Variants in ERF observed in about 807,000 individuals in gnomAD.
The protein encoded by ERF is ETS domain-containing transcription factor ERF.
A neutral mutation model predicts 41.6 loss-of-function variants in ERF; 10 were observed. That is an observed-to-expected ratio of 0.24 (90% CI 0.15 to 0.41). ERF has a LOEUF of 0.41. Ranked by LOEUF, ERF falls within the 10% of genes least tolerant of loss-of-function variation. ERF has a pLI of 1.00. For synonymous variants in ERF, 395 were observed against 342.4 expected (o/e 1.15, Z -1.70); for missense variants, 621 against 763.2 (o/e 0.81, Z 2.19).
Position 42,249,234 on chromosome 19 carries a change from C to A in ERF, c.878G>T (p.Gly293Val). The A allele has an allele frequency of 1.2e-6, 2 of 1,613,166 alleles. No individual in the cohort carries two copies. Among genetic ancestry groups the A allele is most frequent in the Admixed American group, 1.7e-5 (1 of 59,900 alleles). ...LSPMYPSGGG[G>V]PSGSGGGSHF... ...GGAGCCTCCCCCTGAGCCGCTGGGC[C>A]CCCCGCCACCACTGGGGTACATCGG... is the stretch of plus-strand genomic sequence containing the variant. The change falls in exon 4 of 4, where the codon GGG becomes GTG. Residue 293 changes from glycine (G) to valine (V), a missense_variant. Gly to Val is a moderately radical substitution (Grantham distance 109, BLOSUM62 -3). This residue lies in a region of ERF where 569 missense variants were observed against 625.5 expected (regional missense o/e 0.91). Coordinates refer to ENST00000222329, the MANE Select transcript of ERF (RefSeq NM_006494.4). This position sits in a 1 kb window ranked among gnomAD's most constrained non-coding sequence, Gnocchi z 8.6.
chr19:42,253,358 A>C (rs2036476613), intron 1 of ERF, among the ~76,000 whole-genome samples: 1 of 152,166 alleles, frequency 6.6e-6, no homozygotes, highest in South Asian at 2.1e-4. Flanking sequence ...GCGGCAGGCC[A>C]GGAGGCAGAC....
chr19:42,253,541 C>G (rs1239826772), intron 1 of ERF, among the ~76,000 whole-genome samples: 1 of 152,134 alleles, frequency 6.6e-6, no homozygotes, highest in African/African-American at 2.4e-5. Flanking sequence ...GTCTGGGTGC[C>G]TCGGCCTCCT....
chr19:42,254,071 T>A (rs1272514422), intron 1 of ERF, among the ~76,000 whole-genome samples: 2 of 148,578 alleles, frequency 1.3e-5, no homozygotes, highest in South Asian at 2.1e-4. Context: ...GGGGGAAAAG[T>A]CCGAGTGGGA....
Position 42,248,653 on chromosome 19 carries a change from G to A in ERF, c.1459C>T (p.Arg487Cys), listed in dbSNP as rs767131852. 13 of 1,600,858 alleles carry A rather than the reference G, an allele frequency of 8.1e-6. No homozygotes were observed. The highest frequency in any genetic ancestry group is 9.4e-6 in the Non-Finnish European group (11 of 1,171,232). ...CMPLKLRFKR[R>C]WSEDCRLEGG... ...TCGAGGCGACAGTCTTCACTCCAGC[G>A]CCGCTTAAAGCGTAGCTTGAGGGGC... The change falls in exon 4 of 4, where the codon CGC (arginine) becomes TGC (cysteine). Residue 487 changes from arginine (R) to cysteine (C), a missense_variant. Around this residue, in one of 3 missense-constraint regions of ERF, gnomAD observed 569 missense variants for 625.5 expected, o/e 0.91. Coordinates refer to ENST00000222329, the MANE Select transcript of ERF (RefSeq NM_006494.4). The surrounding 1 kb of genome is among the most constrained non-coding windows in gnomAD (Gnocchi z 4.2).
Position 42,250,719 on chromosome 19 carries a change from T to C in ERF, c.23-154A>G, listed in dbSNP as rs77733872. Among the ~76,000 whole-genome samples the C allele has an allele frequency of 8.3e-3, 1,262 of 152,124 alleles. 14 individuals are homozygous for C. Among genetic ancestry groups the C allele is most frequent in the African/African-American group, 0.027 (1,123 of 41,500 alleles). On this transcript the variant is annotated intron_variant, in intron 1 of 3. Coordinates refer to ENST00000222329, the MANE Select transcript of ERF (RefSeq NM_006494.4). This position sits in a 1 kb window ranked among gnomAD's most constrained non-coding sequence, Gnocchi z 5.1. ...ATCTGATTTAAGAGAAGACAGTGCG[T>C]GTCTGTCTGTCTGCATGTGAGGGGC...
At position 42,250,592 on chromosome 19, in the gene ERF, T is replaced by A; in HGVS notation, c.23-27A>T. ...TGGGGACGGGAGGCAGGGAGTGGCC[T>A]GGGGTCAGGCTGCCAAGTCCAGGGC... is the stretch of plus-strand genomic sequence containing the variant. On this transcript the variant is annotated intron_variant, in intron 1 of 3. Coordinates refer to ENST00000222329, the MANE Select transcript of ERF (RefSeq NM_006494.4). The surrounding 1 kb of genome is among the most constrained non-coding windows in gnomAD (Gnocchi z 5.1). The A allele has an allele frequency of 6.2e-7, 1 of 1,606,678 alleles. No homozygotes were observed. Among genetic ancestry groups the A allele is most frequent in the Non-Finnish European group, 8.5e-7 (1 of 1,176,620 alleles).
At position 42,248,907 on chromosome 19, in the gene ERF, CTCT is replaced by C. The variant is rs1192180167; in HGVS notation, c.1202_1204del (p.Lys401del). The C allele has an allele frequency of 6.2e-7, 1 of 1,607,672 alleles. No individual in the cohort carries two copies. Among genetic ancestry groups the C allele is most frequent in the East Asian group, 2.2e-5 (1 of 44,882 alleles). On this transcript the variant is annotated inframe_deletion, in exon 4 of 4. Transcript: ENST00000222329. The surrounding 1 kb of genome is among the most constrained non-coding windows in gnomAD (Gnocchi z 4.2). ...AGCCAGCCCGCCTGCACTGCCACCG[CTCT>C]TGTCAGCACCGGCTACGGCCTTCTC...
At chr19:42,251,494 A>ACCC in intron 1 of ERF, 1 of 464,204 alleles carries the variant, frequency 2.2e-6, no homozygotes, top group Non-Finnish European at 2.8e-6. Context: ...TTTCCCAACA[A>ACCC]CAGGGGCCAT....
In ERF at chr19:42,248,381, C is replaced by A. The variant is rs895001145; in HGVS notation, c.*84G>T. ...AGGCAGGGAAGAGACAAGAGAGCTGCCCTCACCTCCAGGGCATAGGGGGCT... is the reference window on the plus strand; with the variant it reads ...AGGCAGGGAAGAGACAAGAGAGCTGACCTCACCTCCAGGGCATAGGGGGCT... On this transcript the variant is annotated 3_prime_UTR_variant, in exon 4 of 4. Transcript: ENST00000222329. This position sits in a 1 kb window ranked among gnomAD's most constrained non-coding sequence, Gnocchi z 4.2. 3 of 1,232,232 alleles carry A rather than the reference C, an allele frequency of 2.4e-6. No homozygotes were observed. The East Asian group carries it at 8.2e-5, about 34-fold the overall frequency. The allele number at this position is 1,232,232 out of a possible 1,614,324, so 76.3% of individuals were successfully genotyped here.
chr19:42,249,706 G>A lies in ERF; in HGVS notation c.406C>T (p.Pro136Ser), dbSNP rs1435636284. The change falls in exon 4 of 4, where the codon CCG becomes TCG. Residue 136 changes from proline (P) to serine (S), a missense_variant. Around this residue, in one of 3 missense-constraint regions of ERF, gnomAD observed 569 missense variants for 625.5 expected, o/e 0.91. Transcript: ENST00000222329. The surrounding 1 kb of genome is among the most constrained non-coding windows in gnomAD (Gnocchi z 8.6). ...AAGCGGAAGTGGCTACCACCCGACG[G>A]CACTGGCGGGGCACTCTGGGGCACT... ...GAVPQSAPPVPSGGSHFRFPP... is the reference protein window; with the variant it reads ...GAVPQSAPPVSSGGSHFRFPP... 6.3e-7 allele frequency: 1 copy of A among 1,599,960 alleles called. No individual in the cohort carries two copies. Among genetic ancestry groups the A allele is most frequent in the Non-Finnish European group, 8.5e-7 (1 of 1,171,244 alleles).
intron 1 of ERF, among the ~76,000 whole-genome samples, chr19:42,252,701 C>A (rs1261286196): frequency 6.6e-6 from 1 of 151,958 alleles, no homozygotes; most frequent in African/African-American, 2.4e-5. Context: ...TCGGACACAG[C>A]ATACATGAAG....
chr19:42,254,016 C>G (rs2036491931), intron 1 of ERF: 1 of 899,636 alleles, frequency 1.1e-6, no homozygotes. Flanking sequence ...CGCGCTCGGG[C>G]GCAAAGTCCA....
Position 42,249,171 on chromosome 19 carries a change from A to G in ERF, c.941T>C (p.Leu314Pro). ...SFSPEDMKRY[L>P]QAHTQSVYNY... ...GTAGACGCTTTGGGTGTGGGCCTGCAGGTACCGTTTCATGTCCTCAGGGCT... is the reference window on the plus strand; with the variant it reads ...GTAGACGCTTTGGGTGTGGGCCTGCGGGTACCGTTTCATGTCCTCAGGGCT... The change falls in exon 4 of 4, where the codon CTG becomes CCG. Residue 314 changes from leucine to proline, a missense_variant. Around this residue, in one of 3 missense-constraint regions of ERF, gnomAD observed 569 missense variants for 625.5 expected, o/e 0.91. Coordinates refer to ENST00000222329, the MANE Select transcript of ERF (RefSeq NM_006494.4). This position sits in a 1 kb window ranked among gnomAD's most constrained non-coding sequence, Gnocchi z 8.6. 1 of 1,613,782 alleles carries G rather than the reference A, an allele frequency of 6.2e-7. No individual in the cohort carries two copies. Among genetic ancestry groups the G allele is most frequent in the Non-Finnish European group, 8.5e-7 (1 of 1,179,876 alleles).
chr19:42,252,263 T>C (rs888800679), intron 1 of ERF, among the ~76,000 whole-genome samples: 2 of 152,094 alleles, frequency 1.3e-5, no homozygotes, highest in Non-Finnish European at 2.9e-5. Context: ...TCAGCCCCAA[T>C]CTGGCTCTAG....
chr19:42,250,417 G>T lies in ERF; in HGVS notation c.171C>A (p.Ile57=), dbSNP rs1319332469. 1 of 1,613,766 alleles carries T rather than the reference G, an allele frequency of 6.2e-7. No homozygotes were observed. Residue 57 remains isoleucine (I), a synonymous_variant, in exon 2 of 4, where the codon ATC becomes ATA. Transcript: ENST00000222329. This position sits in a 1 kb window ranked among gnomAD's most constrained non-coding sequence, Gnocchi z 5.1. The stretch of plus-strand genomic sequence containing the variant: ...GCCGGGCCACCTCATCAGGGTCTTT[G>T]ATGACGAATTCCCCGTAGTCCCCCT... ...AWQGDYGEFV[I]KDPDEVARLW... is the part of the protein sequence containing the mutation.
At chr19:42,253,137 G>C (rs1004170875) in intron 1 of ERF, among the ~76,000 whole-genome samples, 1 of 152,170 alleles carries the variant, frequency 6.6e-6, no homozygotes, top group Admixed American at 6.5e-5. Flanking sequence ...CCAACCTCAC[G>C]TGACGGCCCA....
Position 42,248,906 on chromosome 19 carries a change from G to C in ERF, c.1206C>G (p.Ser402Arg), listed in dbSNP as rs754788068. 6.2e-7 allele frequency: 1 copy of C among 1,603,084 alleles called. No homozygotes were observed. The highest frequency in any genetic ancestry group is 8.5e-7 in the Non-Finnish European group (1 of 1,177,566). Residue 402 changes from serine to arginine, a missense_variant, in exon 4 of 4, where the codon AGC (serine) becomes AGG (arginine). Coordinates refer to ENST00000222329, the MANE Select transcript of ERF (RefSeq NM_006494.4). This position sits in a 1 kb window ranked among gnomAD's most constrained non-coding sequence, Gnocchi z 4.2. Reference sequence around the variant, plus strand: ...CAGCCAGCCCGCCTGCACTGCCACCGCTCTTGTCAGCACCGGCTACGGCCT... The same window carrying C: ...CAGCCAGCCCGCCTGCACTGCCACCCCTCTTGTCAGCACCGGCTACGGCCT... ...GEKAVAGADK[S>R]GGSAGGLAEG... is the part of the protein sequence containing the mutation.
rs927651535 is a variant in ERF, at chr19:42,248,548, C to G, written c.1564G>C (p.Gly522Arg). 1.3e-6 allele frequency: 2 copies of G among 1,553,224 alleles called. No homozygotes were observed. The highest frequency in any genetic ancestry group is 1.7e-6 in the Non-Finnish European group (2 of 1,151,552). The change falls in exon 4 of 4, where the codon GGG becomes CGG. Residue 522 changes from glycine to arginine, a missense_variant. Gly to Arg is a moderately radical substitution (Grantham distance 125). Coordinates refer to ENST00000222329, the MANE Select transcript of ERF (RefSeq NM_006494.4). The surrounding 1 kb of genome is among the most constrained non-coding windows in gnomAD (Gnocchi z 4.2). ...ACCCGCCTTGGGGTGAGGGGCCCCCCAGCCTCCCCAGGCCCCTCCCCACGC... is the reference window on the plus strand; with the variant it reads ...ACCCGCCTTGGGGTGAGGGGCCCCCGAGCCTCCCCAGGCCCCTCCCCACGC... ...KVRGEGPGEA[G>R]GPLTPRRVSS...
intron 1 of ERF, among the ~76,000 whole-genome samples, chr19:42,253,497 G>A (rs1311336770): frequency 6.6e-6 from 1 of 152,128 alleles, no homozygotes; most frequent in African/African-American, 2.4e-5. Flanking sequence ...ATCAGGCCAA[G>A]GCCGGTAGCA....
Sources: allele counts gnomAD v4.1 joint callset (sites outside exome capture counted in the v4.1 genomes callset), GRCh38; gene constraint gnomAD v4.1.1; regional missense constraint gnomAD v4.1.1; non-coding constraint Gnocchi (gnomAD v3.1); transcripts MANE v1.5; gene names NCBI Gene and HGNC (gene_info 2026-07-23, HGNC 2026-07-21).